MRTFB: variants seen among roughly 807,000 people sequenced by gnomAD.
MRTFB encodes the protein myocardin related transcription factor B.
Under a neutral mutation model 104.2 loss-of-function variants are expected in MRTFB, and 29 were observed. The ratio of observed to expected loss-of-function variants is 0.28; its 90% CI spans 0.21 to 0.38. The LOEUF (loss-of-function observed/expected upper bound fraction) is 0.38. Ranked by LOEUF, MRTFB falls within the 10% of genes least tolerant of loss-of-function variation. The pLI, the probability that MRTFB is intolerant of heterozygous loss-of-function variation, is 1.00. For missense variants in MRTFB, 1,270 were observed against 1,341.6 expected (o/e 0.95, Z 0.83); for synonymous variants, 535 against 519.5 (o/e 1.03, Z -0.41).
intron 4 of MRTFB, among the ~76,000 whole-genome samples, chr16:14,211,561 G>A (rs1237381529): frequency 2.6e-5 from 4 of 152,144 alleles, no homozygotes; most frequent in African/African-American, 9.7e-5. Flanking sequence ...GTGTTACCAG[G>A]CAATAGTGGA....
At chr16:14,254,682 C>T (rs1336589149) in intron 15 of MRTFB, among the ~76,000 whole-genome samples, 1 of 152,212 alleles carries the variant, frequency 6.6e-6, no homozygotes, top group Non-Finnish European at 1.5e-5. Context: ...TAAGTCTAAC[C>T]AAGTTAATAG....
the MRTFB span, among the ~76,000 whole-genome samples, chr16:14,008,810 TG>T: frequency 6.6e-6 from 1 of 152,204 alleles, no homozygotes; most frequent in African/African-American, 2.4e-5. Context: ...TCTATAAACA[TG>T]GGATGTCTTT....
At chr16:14,208,357 C>T (rs1270735800) in intron 3 of MRTFB, among the ~76,000 whole-genome samples, 1 of 152,144 alleles carries the variant, frequency 6.6e-6, no homozygotes, top group Admixed American at 6.5e-5. Flanking sequence ...ACCCAAAAAA[C>T]GTATTGTGTC....
intron 8 of MRTFB, among the ~76,000 whole-genome samples, chr16:14,220,756 A>T (rs2041656824): frequency 6.6e-6 from 1 of 152,206 alleles, no homozygotes; most frequent in Admixed American, 6.5e-5. Context: ...TTACATGCAG[A>T]CCACATTAAC....
the MRTFB span, among the ~76,000 whole-genome samples, chr16:14,006,026 G>A: frequency 6.6e-6 from 1 of 151,934 alleles, no homozygotes; most frequent in African/African-American, 2.4e-5. Context: ...TGGCCAACAT[G>A]GTGAAACCGC....
In MRTFB at chr16:14,240,514, C is replaced by T. The variant is rs147743505; in HGVS notation, c.1079+30C>T. ...GGCGGGGCCCATGCTATCCTCAACG[C>T]GGGGTTTTCTGTGGTTTTTTATGAG... On this transcript the variant is annotated intron_variant, in intron 10 of 16. Coordinates refer to ENST00000571589, the MANE Select transcript of MRTFB (RefSeq NM_001308142.2). 297 of 1,614,126 alleles carry T rather than the reference C, an allele frequency of 1.8e-4. 1 individual carries two copies. The African/African-American group carries it at 2.4e-3, about 13-fold the overall frequency.
rs535125640 is a variant in MRTFB at position 14,240,365 on chromosome 16, G to T, written c.960G>T (p.Pro320=). The T allele has an allele frequency of 1.2e-6, 2 of 1,614,148 alleles. No homozygotes were observed. The highest frequency in any genetic ancestry group is 1.7e-5 in the Admixed American group (1 of 60,026). ...ATCAGAAGGGTGAGAAGAATGAGCC[G>T]CAGATGGACTCTAACTACGCCCGCC... is the stretch of plus-strand genomic sequence containing the variant. The part of the protein sequence containing the change: ...PPDQKGEKNE[P]QMDSNYARLL... Residue 320 remains proline, a synonymous_variant, in exon 10 of 17, where the codon CCG becomes CCT. Transcript: ENST00000571589.
intron 2 of MRTFB, among the ~76,000 whole-genome samples, chr16:14,102,490 A>G (rs2035756104): frequency 6.6e-6 from 1 of 152,218 alleles, no homozygotes; most frequent in East Asian, 1.9e-4. Flanking sequence ...CCCCCCTCTC[A>G]AGGACTCAAG....
At chr16:14,133,169 A>C (rs1299454209) in intron 2 of MRTFB, among the ~76,000 whole-genome samples, 2 of 152,226 alleles carry the variant, frequency 1.3e-5, no homozygotes, top group African/African-American at 4.8e-5. Context: ...GTGGTGGCTT[A>C]TGCCAGAAGA....
At position 14,260,949 on chromosome 16, in the gene MRTFB, C is replaced by T. The variant is rs1164549887; in HGVS notation, c.2805C>T (p.Ser935=). 6.2e-7 allele frequency: 1 copy of T among 1,613,060 alleles called. No homozygotes were observed. The highest frequency in any genetic ancestry group is 1.1e-5 in the South Asian group (1 of 90,900). ...TAAAAGAAGAACCTTCTCCTATTTCCAAAATGAGACCAGTGACAGCCAGCA... is the reference window on the plus strand; with the variant it reads ...TAAAAGAAGAACCTTCTCCTATTTCTAAAATGAGACCAGTGACAGCCAGCA... ...LPIKEEPSPI[S]KMRPVTASIT... The change falls in exon 17 of 17, where the codon TCC becomes TCT. Residue 935 remains serine (S), a synonymous_variant. Coordinates refer to ENST00000571589, the MANE Select transcript of MRTFB (RefSeq NM_001308142.2).
intron 3 of MRTFB, among the ~76,000 whole-genome samples, chr16:14,196,036 G>A (rs1366622863): frequency 1.3e-5 from 2 of 152,178 alleles, no homozygotes; most frequent in African/African-American, 4.8e-5. Context: ...CTGCCATTCT[G>A]TACCAGGCCC....
intron 3 of MRTFB, among the ~76,000 whole-genome samples, chr16:14,161,012 G>T (rs1273185566): frequency 1.4e-5 from 2 of 147,728 alleles, no homozygotes; most frequent in Non-Finnish European, 3.0e-5. Context: ...CAAGATCTGA[G>T]AAATAGACAT....
chr16:14,037,645 G>T, the MRTFB span, among the ~76,000 whole-genome samples: 1 of 152,300 alleles, frequency 6.6e-6, no homozygotes, highest in South Asian at 2.1e-4. Flanking sequence ...CAGTTCCCTG[G>T]ACTGGCTGCT....
the MRTFB span, among the ~76,000 whole-genome samples, chr16:14,037,015 G>T: frequency 6.6e-6 from 1 of 150,758 alleles, no homozygotes; most frequent in Admixed American, 6.6e-5. Context: ...GAAATGTCTT[G>T]ACTTTTTAAT....
chr16:14,010,763 G>T, the MRTFB span, among the ~76,000 whole-genome samples: 1 of 152,138 alleles, frequency 6.6e-6, no homozygotes. Flanking sequence ...GTCCAATATG[G>T]TAGGCATTAG....
the MRTFB span, among the ~76,000 whole-genome samples, chr16:14,047,044 T>C: frequency 6.6e-6 from 1 of 152,222 alleles, no homozygotes; most frequent in South Asian, 2.1e-4. Flanking sequence ...GGAGATGTGG[T>C]TGTGAATAAG....
At chr16:14,251,221 C>A (rs575979382) in intron 13 of MRTFB, among the ~76,000 whole-genome samples, 1 of 151,636 alleles carries the variant, frequency 6.6e-6, no homozygotes, top group Non-Finnish European at 1.5e-5. Context: ...ACTAAAAATA[C>A]AAAAAATTAG....
chr16:14,180,144 C>T (rs1200279387), intron 3 of MRTFB, among the ~76,000 whole-genome samples: 1 of 152,128 alleles, frequency 6.6e-6, no homozygotes, highest in Non-Finnish European at 1.5e-5. Flanking sequence ...AAGTGGCAGT[C>T]AGAAATAGTT....
chr16:14,137,395 C>A (rs2037775148), intron 2 of MRTFB, among the ~76,000 whole-genome samples: 1 of 152,026 alleles, frequency 6.6e-6, no homozygotes, highest in Non-Finnish European at 1.5e-5. Context: ...TGAAAAAATT[C>A]TTCAGTATGA....
Sources: gnomAD v4.1 joint callset for allele counts (sites outside exome capture counted in the v4.1 genomes callset) on GRCh38, gnomAD v4.1.1 for gene constraint, MANE v1.5 for transcripts, NCBI Gene and HGNC (gene_info 2026-07-23, HGNC 2026-07-21) for gene names.